OPCML: variants seen among roughly 807,000 people sequenced by gnomAD.
OPCML encodes opioid binding protein/cell adhesion molecule like, also known as opioid-binding protein/cell adhesion molecule.
A neutral mutation model predicts 37.8 loss-of-function variants in OPCML; 13 were observed. The observed-to-expected ratio is 0.34, with a 90% CI of 0.22 to 0.55. The LOEUF is 0.55. Among genes scored for constraint, OPCML ranks in the 20% least tolerant of loss-of-function variants. OPCML has a pLI of 0.91. For synonymous variants in OPCML, 176 were observed against 168.8 expected (o/e 1.04, Z -0.33); for missense variants, 341 against 435.6 (o/e 0.78, Z 1.93).
intron 1 of OPCML, among the ~76,000 whole-genome samples, chr11:133,125,790 TACATGTATATATAGAC>T (rs1949499348): frequency 1.0e-5 from 1 of 99,394 alleles, no homozygotes; most frequent in South Asian, 3.4e-4. Context: ...ATAGTATATA[TACATGTATATATAGAC>T]ACATGTATAT....
chr11:132,958,490 G>T (rs1021113818), intron 1 of OPCML, among the ~76,000 whole-genome samples: 2 of 152,216 alleles, frequency 1.3e-5, no homozygotes, highest in East Asian at 3.8e-4. Context: ...ACACTCAACA[G>T]CAGATCTTCA....
chr11:132,654,332 G>C (rs1941584806), intron 3 of OPCML, among the ~76,000 whole-genome samples: 1 of 152,038 alleles, frequency 6.6e-6, no homozygotes, highest in African/African-American at 2.4e-5. Context: ...CCGAAGAGAA[G>C]ATCTTCCCAA....
chr11:132,520,702 G>GTGTGTGTATGTGTA (rs150655288), intron 4 of OPCML, among the ~76,000 whole-genome samples: 3 of 149,612 alleles, frequency 2.0e-5, no homozygotes, highest in Admixed American at 6.7e-5. Flanking sequence ...GTGTGTGTGT[G>GTGTGTGTATGTGTA]TATGCATATA....
rs112974182 is a variant in OPCML, at chr11:132,756,974, C to T, written c.147-99655G>A. 2.3e-3 allele frequency among the ~76,000 whole-genome samples: 343 copies of T among 152,156 alleles called. 2 individuals carry two copies. Among genetic ancestry groups the T allele is most frequent in the African/African-American group, 8.0e-3 (330 of 41,508 alleles). ...GGCCCTGATGTGTGATGTTCCCCTC[C>T]CATATGTTCTCATTGTTCATATGTG... On this transcript the variant is annotated intron_variant, in intron 2 of 7. Transcript: ENST00000524381.
chr11:133,433,822 C>T (rs750098846), intron 1 of OPCML, among the ~76,000 whole-genome samples: 1 of 152,100 alleles, frequency 6.6e-6, no homozygotes, highest in Non-Finnish European at 1.5e-5. Flanking sequence ...GTAATCTTCC[C>T]GGCCATTTTA....
rs146822853 is a variant in OPCML at position 133,436,320 on chromosome 11, G to T, written c.61+95944C>A. ...CCTCCATTTGGTGTATTTTTGACTT[G>T]GCAAAATGAAAGATGGAATATAGTG... On this transcript the variant is annotated intron_variant, in intron 1 of 7. Coordinates refer to ENST00000524381, the MANE Select transcript of OPCML (RefSeq NM_001012393.5). Among the ~76,000 whole-genome samples, 334 of 152,234 alleles carry T rather than the reference G, an allele frequency of 2.2e-3. 4 individuals are homozygous for T. Among genetic ancestry groups the T allele is most frequent in the South Asian group, 3.7e-3 (18 of 4,820 alleles).
chr11:132,515,808 G>T (rs570760341), intron 4 of OPCML, among the ~76,000 whole-genome samples: 10 of 152,158 alleles, frequency 6.6e-5, no homozygotes, highest in Non-Finnish European at 1.5e-4. Context: ...CCTCGGACAT[G>T]TGGGAGCTAA....
In OPCML at chr11:133,450,767, T is replaced by C. The variant is rs887380183; in HGVS notation, c.61+81497A>G. Among the ~76,000 whole-genome samples the C allele has an allele frequency of 9.9e-5, 15 of 151,548 alleles. 1 individual carries two copies. Among genetic ancestry groups the C allele is most frequent in the African/African-American group, 3.7e-4 (15 of 40,892 alleles). On this transcript the variant is annotated intron_variant, in intron 1 of 7. Coordinates refer to ENST00000524381, the MANE Select transcript of OPCML (RefSeq NM_001012393.5). The stretch of plus-strand genomic sequence containing the variant: ...GCAAAGAAAAGAGGTGGTGGTCCTA[T>C]TGGAGTGACAGTTATTGTCCTGGAT...
chr11:132,683,537 A>G (rs1189647699), intron 2 of OPCML, among the ~76,000 whole-genome samples: 2 of 152,234 alleles, frequency 1.3e-5, no homozygotes, highest in Admixed American at 6.5e-5. Context: ...CGTAACTTAA[A>G]TAACTTCTCT....
At chr11:133,044,088 GA>G (rs1293239333) in intron 1 of OPCML, among the ~76,000 whole-genome samples, 1 of 152,152 alleles carries the variant, frequency 6.6e-6, no homozygotes, top group African/African-American at 2.4e-5. Flanking sequence ...AGAGGATCAG[GA>G]AAGCCTTCCA....
At chr11:133,278,602 T>C (rs938551675) in intron 1 of OPCML, among the ~76,000 whole-genome samples, 5 of 151,988 alleles carry the variant, frequency 3.3e-5, no homozygotes, top group African/African-American at 1.2e-4. Flanking sequence ...GAGGAGGAGA[T>C]TGAGATGAGA....
intron 3 of OPCML, among the ~76,000 whole-genome samples, chr11:132,606,185 C>A (rs1013371266): frequency 6.6e-6 from 1 of 152,182 alleles, no homozygotes; most frequent in African/African-American, 2.4e-5. Context: ...TTTATTTATT[C>A]ATCTACTTTT....
At chr11:132,882,086 G>A (rs1477787779) in intron 2 of OPCML, among the ~76,000 whole-genome samples, 1 of 152,162 alleles carries the variant, frequency 6.6e-6, no homozygotes, top group African/African-American at 2.4e-5. Context: ...TGGTGTTCAG[G>A]CTGGGGACAT....
intron 2 of OPCML, among the ~76,000 whole-genome samples, chr11:132,815,593 G>A (rs933848263): frequency 1.3e-5 from 2 of 152,144 alleles, no homozygotes; most frequent in African/African-American, 4.8e-5. Flanking sequence ...GTTGAGAAGT[G>A]ACAGTGACAG....
At chr11:132,739,989 T>C (rs1945385746) in intron 2 of OPCML, among the ~76,000 whole-genome samples, 2 of 152,196 alleles carry the variant, frequency 1.3e-5, no homozygotes, top group East Asian at 1.9e-4. Context: ...GATTTGTGTC[T>C]ATCTGTTTCC....
rs145287687 is a variant in OPCML, at chr11:133,267,297, G to A, written c.61+264967C>T. On this transcript the variant is annotated intron_variant, in intron 1 of 7. Coordinates refer to ENST00000524381, the MANE Select transcript of OPCML (RefSeq NM_001012393.5). Reference sequence around the variant, plus strand: ...CATTATATTACAGACTTGAGCCTCGGTAATTTTTATCGATGGTGTAAAATG... The same window carrying A: ...CATTATATTACAGACTTGAGCCTCGATAATTTTTATCGATGGTGTAAAATG... Among the ~76,000 whole-genome samples, 744 of 152,208 alleles carry A rather than the reference G, an allele frequency of 4.9e-3. 8 individuals carry two copies. Among genetic ancestry groups the A allele is most frequent in the African/African-American group, 0.017 (713 of 41,510 alleles).
At chr11:132,575,672 A>G (rs1008994023) in intron 3 of OPCML, among the ~76,000 whole-genome samples, 13 of 151,994 alleles carry the variant, frequency 8.6e-5, no homozygotes, top group African/African-American at 3.1e-4. Context: ...ACTCACTACC[A>G]TTACAGTAAT....
chr11:132,571,829 T>A (rs1333761812), intron 3 of OPCML, among the ~76,000 whole-genome samples: 11 of 152,204 alleles, frequency 7.2e-5, no homozygotes, highest in Non-Finnish European at 2.9e-5. Context: ...TATTTCTTAT[T>A]TTTTGAGGAA....
intron 2 of OPCML, among the ~76,000 whole-genome samples, chr11:132,734,322 G>A (rs141669684): frequency 6.6e-6 from 1 of 152,210 alleles, no homozygotes; most frequent in African/African-American, 2.4e-5. Context: ...CAGATGTGAT[G>A]GTATCTGACT....
Sources: gnomAD v4.1 joint callset for allele counts (sites outside exome capture counted in the v4.1 genomes callset) on GRCh38, gnomAD v4.1.1 for gene constraint, MANE v1.5 for transcripts, NCBI Gene and HGNC (gene_info 2026-07-23, HGNC 2026-07-21) for gene names.